KRT4: variants seen among roughly 807,000 people sequenced by gnomAD.
The protein encoded by KRT4 is keratin 4, also known as keratin, type II cytoskeletal 4.
A neutral mutation model predicts 50.6 loss-of-function variants in KRT4; 47 were observed. The ratio of observed to expected loss-of-function variants is 0.93; its 90% CI spans 0.73 to 1.18. KRT4 has a LOEUF of 1.18. Ranked by LOEUF, KRT4 falls within the 50% of genes most tolerant of loss-of-function variation. KRT4 has a pLI of 0.00. For missense variants in KRT4, 651 were observed against 645.7 expected, an observed-to-expected ratio of 1.01 and a Z score of -0.09; for synonymous variants, 254 against 251.2, an observed-to-expected ratio of 1.01 and a Z score of -0.10.
At chr12:52,810,902 C>A in intron 2 of KRT4, 86 bp from the exon 3 acceptor site, 1 of 1,136,934 alleles carries the variant, frequency 8.8e-7, no homozygotes, top group Non-Finnish European at 1.3e-6. Flanking sequence ...TCAAGCATTT[C>A]CAAACAAATT....
At position 52,809,433 on chromosome 12, in the gene KRT4, C is replaced by T. The variant is rs756472363; in HGVS notation, c.784G>A (p.Val262Met). 5 of 1,614,046 alleles carry T rather than the reference C, an allele frequency of 3.1e-6. No homozygotes were observed. Among genetic ancestry groups the T allele is most frequent in the Non-Finnish European group, 4.2e-6 (5 of 1,180,024 alleles). Reference protein sequence around the residue: ...YLNKVELEAKVDSLNDEINFL... With the variant: ...YLNKVELEAKMDSLNDEINFL... ...TTGATCTCGTCATTAAGACTGTCCA[C>T]CTTGGCCTCCAACTCCACCTTGTTC... The change falls in exon 4 of 9, where the codon GTG becomes ATG. Residue 262 changes from valine (V) to methionine (M), a missense_variant. Physicochemically the swap from Val to Met is conservative, Grantham distance 21. Transcript: ENST00000551956.
At chr12:52,809,359 T>A (rs771924758) in intron 4 of KRT4, 24 bp downstream of exon 4, 4 of 1,544,550 alleles carry the variant, frequency 2.6e-6, no homozygotes, top group Non-Finnish European at 3.6e-6. Flanking sequence ...TTTCCCTGGA[T>A]GGAGGGGAGG....
In KRT4 at chr12:52,810,774, G is replaced by C; in HGVS notation, c.720C>G (p.Asp240Glu). 1.2e-6 allele frequency: 2 copies of C among 1,614,146 alleles called. No individual in the cohort carries two copies. The highest frequency in any genetic ancestry group is 4.5e-5 in the East Asian group (2 of 44,876). The change falls in exon 3 of 9, where the codon GAC becomes GAG. Residue 240 changes from aspartate (D) to glutamate (E), a missense_variant. Asp to Glu is a conservative substitution (Grantham distance 45). Transcript: ENST00000551956. The part of the protein sequence containing the change: ...EINKRTAAEN[D>E]FVVLKKDVDA... ...CTCTTACCTTCTTTAGGACCACAAA[G>C]TCATTCTCGGCTGCTGTGCGTTTGT...
Position 52,808,395 on chromosome 12 carries a change from C to T in KRT4, c.1024G>A (p.Asp342Asn), listed in dbSNP as rs1049229470. 1.9e-6 allele frequency: 3 copies of T among 1,613,930 alleles called. No individual in the cohort carries two copies. The African/African-American group carries it at 4.0e-5, about 22-fold the overall frequency. Residue 342 changes from aspartate to asparagine, a missense_variant, in exon 6 of 9, where the codon GAC (aspartate) becomes AAC (asparagine). Transcript: ENST00000551956. Reference protein sequence around the residue: ...TKVQQLQISVDQHGDNLKNTK... With the variant: ...TKVQQLQISVNQHGDNLKNTK... ...TTCTTCAGGTTGTCACCATGTTGGT[C>T]AACCGAGATCTGGAGCTGCTGGACC...
rs144659028 is a variant in KRT4, at chr12:52,809,612, A to G, written c.739-134T>C. The G allele has an allele frequency of 5.7e-4, 411 of 724,890 alleles. 1 individual carries two copies. In the African/African-American group the frequency reaches 6.4e-3, roughly 11 times the overall value. 44.9% of individuals were successfully genotyped at this position (724,890 alleles called of 1,614,324 possible). ...TCAGCAGCAGGGGAGCTGGTGGGAGACCAATTATTTTATATATTCTTCCCT... is the reference window on the plus strand; with the variant it reads ...TCAGCAGCAGGGGAGCTGGTGGGAGGCCAATTATTTTATATATTCTTCCCT... On this transcript the variant is annotated intron_variant, in intron 3 of 8. Coordinates refer to ENST00000551956, the MANE Select transcript of KRT4 (RefSeq NM_002272.4).
At position 52,806,943 on chromosome 12, in the gene KRT4, G is replaced by A; in HGVS notation, c.*126C>T. On this transcript the variant is annotated 3_prime_UTR_variant, in exon 9 of 9. Coordinates refer to ENST00000551956, the MANE Select transcript of KRT4 (RefSeq NM_002272.4). Reference sequence around the variant, plus strand: ...CATCCTGGGGCAGAGAGAGCCCATGGGATAGTGGAGGGGATACTAGTAAGA... The same window carrying A: ...CATCCTGGGGCAGAGAGAGCCCATGAGATAGTGGAGGGGATACTAGTAAGA... 1 of 905,992 alleles carries A rather than the reference G, an allele frequency of 1.1e-6. No homozygotes were observed. The highest frequency in any genetic ancestry group is 1.8e-6 in the Non-Finnish European group (1 of 561,026). 56.1% of individuals were successfully genotyped at this position (905,992 alleles called of 1,614,324 possible).
chr12:52,811,618 C>A, intron 2 of KRT4, 145 bp downstream of exon 2: 1 of 693,208 alleles, frequency 1.4e-6, no homozygotes, highest in South Asian at 1.7e-5. Context: ...GAAAACGTGA[C>A]TATGTGGATG....
Position 52,807,228 on chromosome 12 carries a change from G to T in KRT4, c.1404C>A (p.Ser468Arg), listed in dbSNP as rs1228421438. Residue 468 changes from serine to arginine, a missense_variant, in exon 9 of 9, where the codon AGC (serine) becomes AGA (arginine). By Grantham distance (110) the Ser-to-Arg change is moderately radical (BLOSUM62 -1). Coordinates refer to ENST00000551956, the MANE Select transcript of KRT4 (RefSeq NM_002272.4). ...VSISVVSGST[S>R]TGGISGGLGS... ...CTAATCCTCCGCTGATGCCTCCAGT[G>T]CTGGTGCTACCGCTGACCACAGCTG... 7 of 1,614,078 alleles carry T rather than the reference G, an allele frequency of 4.3e-6. 1 individual carries two copies. The highest frequency in any genetic ancestry group is 1.1e-5 in the South Asian group (1 of 91,078).
chr12:52,808,162 C>T (rs750976173), intron 6 of KRT4, 132 bp downstream of exon 6: 3 of 1,234,928 alleles, frequency 2.4e-6, no homozygotes, highest in Non-Finnish European at 3.5e-6. Context: ...GTATGCCTTG[C>T]ACAAAGAGCT....
chr12:52,808,487 A>C, intron 5 of KRT4, 68 bp from the exon 6 acceptor site: 1 of 1,602,988 alleles, frequency 6.2e-7, no homozygotes, highest in Non-Finnish European at 8.5e-7. Flanking sequence ...TCTCAAGTGA[A>C]CTCAGTGAGA....
Position 52,813,612 on chromosome 12 carries a change from G to A in KRT4, c.447C>T (p.Ala149=). 6.2e-7 allele frequency: 1 copy of A among 1,613,898 alleles called. No homozygotes were observed. Among genetic ancestry groups the A allele is most frequent in the Non-Finnish European group, 8.5e-7 (1 of 1,179,928 alleles). ...CACAGCTCACCTTGTCGATGAAGGA[G>A]GCAAACTTGTTGTTGAGGAGCTTGA... ...EQIKLLNNKF[A]SFIDKVQFLE... The change falls in exon 1 of 9, where the codon GCC becomes GCT. Residue 149 remains alanine, a synonymous_variant. Transcript: ENST00000551956.
intron 3 of KRT4, 51 bp downstream of exon 3, chr12:52,810,705 C>T (rs1192975522): frequency 1.3e-6 from 2 of 1,512,070 alleles, no homozygotes; most frequent in Admixed American, 3.3e-5. Flanking sequence ...AGACCACTCC[C>T]CAAGGGAAGG....
In KRT4 at chr12:52,813,697, G is replaced by C. The variant is rs757780016; in HGVS notation, c.362C>G (p.Pro121Arg). The change falls in exon 1 of 9, where the codon CCC becomes CGC. Residue 121 changes from proline to arginine, a missense_variant. Pro to Arg is a moderately radical substitution (Grantham distance 103, BLOSUM62 -2). Transcript: ENST00000551956. ...CTCAGGGTCAATCTCCACGTGGAGG[G>C]GGGTGAGCAAGCTCTGGTTGATGGT... Reference protein sequence around the residue: ...EVTINQSLLTPLHVEIDPEIQ... With the variant: ...EVTINQSLLTRLHVEIDPEIQ... 2.1e-6 allele frequency: 3 copies of C among 1,431,544 alleles called. No homozygotes were observed. Among genetic ancestry groups the C allele is most frequent in the South Asian group, 1.3e-5 (1 of 79,274 alleles). 88.7% of individuals were successfully genotyped at this position (1,431,544 alleles called of 1,614,324 possible).
In KRT4 at chr12:52,811,756, C is replaced by T. The variant is rs1220216141; in HGVS notation, c.677+7G>A. Reference sequence around the variant, plus strand: ...CAGATGGCGTCCCCTCCTTCCTCCCCATGTACTTAGTCTTGAAGTCCTCCA... The same window carrying T: ...CAGATGGCGTCCCCTCCTTCCTCCCTATGTACTTAGTCTTGAAGTCCTCCA... On this transcript the variant is annotated splice_region_variant and intron_variant, in intron 2 of 8. Transcript: ENST00000551956. 1 of 1,610,302 alleles carries T rather than the reference C, an allele frequency of 6.2e-7. No homozygotes were observed. The highest frequency in any genetic ancestry group is 1.1e-5 in the South Asian group (1 of 90,972).
chr12:52,809,001 C>G, intron 4 of KRT4, 151 bp from the exon 5 acceptor site: 1 of 854,378 alleles, frequency 1.2e-6, no homozygotes, highest in Non-Finnish European at 1.9e-6. Context: ...TGTGACAGTT[C>G]AGGATGGAAG....
chr12:52,811,926 GCAGGTTCCATTTGGTCTCC>G lies in KRT4; in HGVS notation c.495_513del (p.Glu166SerfsTer24). ...GAGGTGGTGGTCGTCTGCTGCTGGAGCAGGTTCCATTTGGTCTCCAGGACCTTATTCTGTTGCTCTAAGA... is the reference window on the plus strand; with the variant it reads ...GAGGTGGTGGTCGTCTGCTGCTGGAGAGGACCTTATTCTGTTGCTCTAAGA... On this transcript the variant is annotated frameshift_variant, in exon 2 of 9. Transcript: ENST00000551956. LOFTEE classifies it high-confidence loss of function. 6.2e-7 allele frequency: 1 copy of G among 1,613,998 alleles called. No homozygotes were observed. The highest frequency in any genetic ancestry group is 8.5e-7 in the Non-Finnish European group (1 of 1,180,036).
intron 1 of KRT4, 27 bp from the exon 2 acceptor site, chr12:52,812,004 T>A (rs192781927): frequency 4.0e-4 from 629 of 1,581,098 alleles, no homozygotes; most frequent in Non-Finnish European, 5.0e-4. Context: ...ACCAGCCAAG[T>A]GATGAGGGCC....
In KRT4 at chr12:52,807,669, T is replaced by G; in HGVS notation, c.1321A>C (p.Lys441Gln). The change falls in exon 7 of 9, where the codon AAA (lysine) becomes CAA (glutamine). Residue 441 changes from lysine to glutamine, a missense_variant. Lys to Gln is a moderately conservative substitution (Grantham distance 53, BLOSUM62 1). Coordinates refer to ENST00000551956, the MANE Select transcript of KRT4 (RefSeq NM_002272.4). The stretch of plus-strand genomic sequence containing the variant: ...CTGTACTCCTCGCCCTCCAGCAGTT[T>G]GCGGTAGGTGGCGATCTCGATGTCC... The part of the protein sequence containing the change: ...ALDIEIATYR[K>Q]LLEGEEYRMS... The G allele has an allele frequency of 6.2e-7, 1 of 1,614,030 alleles. No homozygotes were observed. The highest frequency in any genetic ancestry group is 8.5e-7 in the Non-Finnish European group (1 of 1,180,016).
chr12:52,808,982 T>C (rs1482534730), intron 4 of KRT4, 132 bp from the exon 5 acceptor site: 17 of 1,002,996 alleles, frequency 1.7e-5, no homozygotes, highest in African/African-American at 3.2e-5. Context: ...TAAGGAGAAA[T>C]CAAGTGGTTG....
Sources: allele counts gnomAD v4.1 joint callset, GRCh38; gene constraint gnomAD v4.1.1; transcripts MANE v1.5; gene names NCBI Gene and HGNC (gene_info 2026-07-23, HGNC 2026-07-21).